Variants in PRKCH observed in about 807,000 individuals in gnomAD.
The protein encoded by PRKCH is protein kinase C eta.
In PRKCH, 28 loss-of-function variants were observed where a neutral mutation model predicts 82.5. That is an observed-to-expected ratio of 0.34 (90% CI 0.25 to 0.47). The LOEUF (loss-of-function observed/expected upper bound fraction) is 0.47, where lower values mean the gene tolerates loss of function less well. Ranked by LOEUF, PRKCH falls within the 20% of genes least tolerant of loss-of-function variation. The pLI is 1.00. For synonymous variants in PRKCH, 322 were observed against 327.4 expected (o/e 0.98, Z 0.18); for missense variants, 705 against 881.8 (o/e 0.80, Z 2.54).
At chr14:61,366,824 G>C (rs1311133423) in intron 1 of PRKCH, among the ~76,000 whole-genome samples, 1 of 151,942 alleles carries the variant, frequency 6.6e-6, no homozygotes, top group African/African-American at 2.4e-5. Context: ...GGCTCTGGGG[G>C]CTCTTATTAT....
chr14:61,247,545 G>T (rs2044896415), intron 1 of PRKCH, among the ~76,000 whole-genome samples: 1 of 151,868 alleles, frequency 6.6e-6, no homozygotes, highest in African/African-American at 2.4e-5. Context: ...AGACCAGCCT[G>T]GCCAACATGG....
At chr14:61,541,994 A>G (rs1224571457) in intron 12 of PRKCH, among the ~76,000 whole-genome samples, 2 of 152,116 alleles carry the variant, frequency 1.3e-5, no homozygotes, top group African/African-American at 4.8e-5. Context: ...GCACATTAAA[A>G]CCTATTGTTT....
intron 1 of PRKCH, among the ~76,000 whole-genome samples, chr14:61,252,093 C>G (rs971289589): frequency 7.2e-5 from 11 of 152,216 alleles, no homozygotes; most frequent in Non-Finnish European, 1.3e-4. Flanking sequence ...CTGCCTCAGC[C>G]TCCCAAAGTG....
At chr14:61,546,196 G>A (rs369423222) in intron 12 of PRKCH, among the ~76,000 whole-genome samples, 18 of 152,316 alleles carry the variant, frequency 1.2e-4, no homozygotes, top group African/African-American at 4.1e-4. Flanking sequence ...GAGAGCCCAA[G>A]CAGTGTGAAC....
rs1884819572 is a variant in PRKCH at position 61,457,338 on chromosome 14, T to C, written c.1104+19T>C. On this transcript the variant is annotated intron_variant, in intron 8 of 13. Coordinates refer to ENST00000332981, the MANE Select transcript of PRKCH (RefSeq NM_006255.5). The stretch of plus-strand genomic sequence containing the variant: ...TGGGAAGGTGAGTCTTGGCTTTAAC[T>C]GTTTGGGTTGAAGTAAGTGTGCTCT... The C allele has an allele frequency of 6.2e-7, 1 of 1,612,966 alleles. No individual in the cohort carries two copies. The highest frequency in any genetic ancestry group is 8.5e-7 in the Non-Finnish European group (1 of 1,179,402).
At chr14:61,465,908 G>A (rs1885235582) in intron 9 of PRKCH, among the ~76,000 whole-genome samples, 1 of 152,168 alleles carries the variant, frequency 6.6e-6, no homozygotes, top group Non-Finnish European at 1.5e-5. Flanking sequence ...TATAAGATAG[G>A]TGCAATTATT....
At chr14:61,367,370 G>A (rs1202260739) in intron 1 of PRKCH, among the ~76,000 whole-genome samples, 3 of 151,692 alleles carry the variant, frequency 2.0e-5, no homozygotes, top group Non-Finnish European at 4.4e-5. Context: ...ATGTGTGTGT[G>A]TGTGTGTGTG....
At chr14:61,215,321 G>A (rs2044609113) in intron 1 of PRKCH, among the ~76,000 whole-genome samples, 2 of 152,194 alleles carry the variant, frequency 1.3e-5, no homozygotes, top group African/African-American at 4.8e-5. Context: ...CAAAGACTGA[G>A]GCTTCCCAAA....
intron 1 of PRKCH, among the ~76,000 whole-genome samples, chr14:61,282,040 G>T (rs892130182): frequency 6.6e-6 from 1 of 151,474 alleles, no homozygotes; most frequent in East Asian, 1.9e-4. Flanking sequence ...ACTCTTAGCT[G>T]GTGTGGAGAA....
chr14:61,413,403 G>A (rs76336112), intron 2 of PRKCH, among the ~76,000 whole-genome samples: 4 of 40,892 alleles, frequency 9.8e-5, no homozygotes, highest in Non-Finnish European at 1.6e-4. Flanking sequence ...CTTTTTAAGC[G>A]CCCCCCCCCC....
At chr14:61,281,795 C>G (rs1340368852) in intron 1 of PRKCH, 1 of 156,346 alleles carries the variant, frequency 6.4e-6, no homozygotes, top group Non-Finnish European at 1.5e-5. Flanking sequence ...AGCTTTCAGT[C>G]TCAAGTTGGG....
At chr14:61,311,916 G>A (rs897052375) in intron 1 of PRKCH, among the ~76,000 whole-genome samples, 1 of 152,100 alleles carries the variant, frequency 6.6e-6, no homozygotes, top group Non-Finnish European at 1.5e-5. Flanking sequence ...AGGAGAAAGA[G>A]CCCCTTATAA....
intron 2 of PRKCH, among the ~76,000 whole-genome samples, chr14:61,437,732 A>C (rs58610243): frequency 0.54 from 82,178 of 152,010 alleles, 25,724 homozygotes; most frequent in Non-Finnish European, 0.71. Context: ...CTCGGGGTAC[A>C]TTAACTTCTC....
intron 9 of PRKCH, among the ~76,000 whole-genome samples, chr14:61,458,624 T>C (rs1294937498): frequency 6.6e-6 from 1 of 152,076 alleles, no homozygotes; most frequent in East Asian, 1.9e-4. Flanking sequence ...ACGGGGTAAT[T>C]TATGAAGAAA....
intron 1 of PRKCH, among the ~76,000 whole-genome samples, chr14:61,217,660 C>T (rs549358276): frequency 6.6e-6 from 1 of 152,132 alleles, no homozygotes; most frequent in East Asian, 1.9e-4. Flanking sequence ...GGAATGCCAC[C>T]AGAACCTTCC....
At chr14:61,282,653 T>A (rs2045281948) in intron 1 of PRKCH, among the ~76,000 whole-genome samples, 1 of 152,186 alleles carries the variant, frequency 6.6e-6, no homozygotes, top group Non-Finnish European at 1.5e-5. Flanking sequence ...ATAATAGCTA[T>A]GAATCATAGG....
intron 1 of PRKCH, among the ~76,000 whole-genome samples, chr14:61,203,478 AGATTTGTGAG>A (rs1051614797): frequency 1.1e-4 from 16 of 152,090 alleles, no homozygotes; most frequent in African/African-American, 3.9e-4. Context: ...ACAGGACTGA[AGATTTGTGAG>A]GATTTGTGAG....
chr14:61,266,356 T>G (rs1032647716), intron 1 of PRKCH, among the ~76,000 whole-genome samples: 2 of 152,158 alleles, frequency 1.3e-5, no homozygotes, highest in Non-Finnish European at 2.9e-5. Context: ...AGGCAGAGGT[T>G]GCAGTGAGCT....
chr14:61,429,685 C>T lies in PRKCH; in HGVS notation c.428-13426C>T, dbSNP rs564577185. ...AAACTAACAAGACCCATTCTAAAGA[C>T]GCCAGGAAAATAAAATAAAAACCCA... On this transcript the variant is annotated intron_variant, in intron 2 of 13. Coordinates refer to ENST00000332981, the MANE Select transcript of PRKCH (RefSeq NM_006255.5). 4.6e-5 allele frequency among the ~76,000 whole-genome samples: 7 copies of T among 151,708 alleles called. No homozygotes were observed. The East Asian group carries it at 5.8e-4, about 13-fold the overall frequency.
Sources: gnomAD v4.1 joint callset for allele counts (sites outside exome capture counted in the v4.1 genomes callset) on GRCh38, gnomAD v4.1.1 for gene constraint, MANE v1.5 for transcripts, NCBI Gene and HGNC (gene_info 2026-07-23, HGNC 2026-07-21) for gene names.